HLA-B: variants seen among roughly 807,000 people sequenced by gnomAD.
HLA-B encodes the protein HLA class I antigen HLA-B.
HLA-B carries 31 observed loss-of-function variants against 41.5 expected under a neutral mutation model. That is an observed-to-expected ratio of 0.75 (90% CI 0.56 to 1.01). The LOEUF (loss-of-function observed/expected upper bound fraction) is 1.01. Among genes scored for constraint, HLA-B ranks in the 50% least tolerant of loss-of-function variants. The pLI is 0.00. For synonymous variants in HLA-B, 138 were observed against 189.0 expected, an observed-to-expected ratio of 0.73 and a Z score of 2.21; for missense variants, 369 against 457.2, an observed-to-expected ratio of 0.81 and a Z score of 1.76.
In HLA-B at chr6:31,354,117, A is replaced by T; in HGVS notation, c.*184T>A. 1 of 472,504 alleles carries T rather than the reference A, an allele frequency of 2.1e-6. No homozygotes were observed. The highest frequency in any genetic ancestry group is 3.9e-5 in the East Asian group (1 of 25,620). 29.3% of individuals were successfully genotyped at this position (472,504 alleles called of 1,614,324 possible). A position where few individuals can be genotyped will look rare whatever the true frequency, so the allele number is the denominator to read the frequency against. On this transcript the variant is annotated 3_prime_UTR_variant, in exon 8 of 8. Transcript: ENST00000412585. ...GGGAGGAAACACAGGTCAGCATGGG[A>T]ACAGGGGTCACAGTGGACACAAGGG...
Position 31,356,709 on chromosome 6 carries a change from AGCC to A in HLA-B, c.319_321del (p.Gly107del). ...TCACCGGCCTCGCTCTGGTTGTAGT[AGCC>A]GCGCAGGTTCCGCAGGCTCTCTCGG... is the stretch of plus-strand genomic sequence containing the variant. On this transcript the variant is annotated inframe_deletion, in exon 2 of 8. Coordinates refer to ENST00000412585, the MANE Select transcript of HLA-B (RefSeq NM_005514.8). 7.8e-7 allele frequency: 1 copy of A among 1,277,258 alleles called. No individual in the cohort carries two copies. 79.1% of individuals were successfully genotyped at this position (1,277,258 alleles called of 1,614,324 possible). A position where few individuals can be genotyped will look rare whatever the true frequency, so the allele number is the denominator to read the frequency against.
In HLA-B at chr6:31,353,932, T is replaced by G; in HGVS notation, c.*369A>C. The G allele has an allele frequency of 3.0e-6, 1 of 334,166 alleles. No individual in the cohort carries two copies. Among genetic ancestry groups the G allele is most frequent in the Non-Finnish European group, 5.7e-6 (1 of 176,830 alleles). The allele number at this position is 334,166 out of a possible 1,614,324, so 20.7% of individuals were successfully genotyped here. On this transcript the variant is annotated 3_prime_UTR_variant, in exon 8 of 8. Coordinates refer to ENST00000412585, the MANE Select transcript of HLA-B (RefSeq NM_005514.8). ...AAATTCCAGGAATTGACTTATTTAA[T>G]TAATCCATCAACCTCTCATAGCAAA...
chr6:31,355,621 G>C (rs373528054), intron 3 of HLA-B, 29 bp from the exon 4 acceptor site: 1 of 1,282,664 alleles, frequency 7.8e-7, no homozygotes, highest in Non-Finnish European at 1.1e-6. Context: ...AAATTCAGGC[G>C]CTTTGCATCT....
intron 4 of HLA-B, 46 bp from the exon 5 acceptor site, chr6:31,355,269 C>CTCCAGAAGGGT (rs763754608): frequency 2.5e-6 from 3 of 1,194,290 alleles, no homozygotes; most frequent in Non-Finnish European, 3.3e-6. Flanking sequence ...TGCTGAAGGG[C>CTCCAGAAGGGT]TCCTGCTTTC....
In HLA-B at chr6:31,355,114, C is replaced by T; in HGVS notation, c.1005G>A (p.Lys335=). The T allele has an allele frequency of 2.3e-6, 2 of 883,442 alleles. No homozygotes were observed. The highest frequency in any genetic ancestry group is 3.0e-6 in the Non-Finnish European group (2 of 662,688). 54.7% of individuals were successfully genotyped at this position (883,442 alleles called of 1,614,324 possible). Residue 335 remains lysine (K), a synonymous_variant, in exon 5 of 8, where the codon AAG becomes AAA. Transcript: ENST00000412585. ...CCCTCACCCCTTCCCTACCTGAACT[C>T]TTCCTCCTACACATCACAGCAGCGA... The part of the protein sequence containing the change: ...AVVAAVMCRR[K]SSGGKGGSYS...
rs145974360 is a variant in HLA-B, at chr6:31,356,805, T to C, written c.226A>G (p.Ile76Val). 3.6e-3 allele frequency: 4,131 copies of C among 1,151,912 alleles called. 885 individuals carry two copies. The East Asian group carries it at 0.11, about 31-fold the overall frequency. The allele number at this position is 1,151,912 out of a possible 1,614,324, so 71.4% of individuals were successfully genotyped here. Residue 76 changes from isoleucine to valine, a missense_variant, in exon 2 of 8, where the codon ATA becomes GTA. Around this residue, in one of 6 missense-constraint regions of HLA-B, gnomAD observed 113 missense variants for 173.2 expected, o/e 0.65. Coordinates refer to ENST00000412585, the MANE Select transcript of HLA-B (RefSeq NM_005514.8). ...SPREEPRAPW[I>V]EQEGPEYWDR... Reference sequence around the variant, plus strand: ...CAATACTCCGGCCCCTCCTGCTCTATCCACGGCGCCCGCGGCTCCTCTCTC... The same window carrying C: ...CAATACTCCGGCCCCTCCTGCTCTACCCACGGCGCCCGCGGCTCCTCTCTC...
chr6:31,356,841 C>A lies in HLA-B; in HGVS notation c.190G>T (p.Ala64Ser), dbSNP rs151341118. ...CGCGGCTCCTCTCTCGGACTCGCGG[C>A]GTCGCTGTCGAACCTCACGAACTGG... ...DTQFVRFDSD[A>S]ASPREEPRAP... The change falls in exon 2 of 8, where the codon GCC becomes TCC. Residue 64 changes from alanine (A) to serine (S), a missense_variant. By Grantham distance (99) the Ala-to-Ser change is moderately conservative. Coordinates refer to ENST00000412585, the MANE Select transcript of HLA-B (RefSeq NM_005514.8). 8.4e-7 allele frequency: 1 copy of A among 1,195,034 alleles called. No homozygotes were observed. 74.0% of individuals were successfully genotyped at this position (1,195,034 alleles called of 1,614,324 possible).
intron 2 of HLA-B, 103 bp from the exon 3 acceptor site, chr6:31,356,545 G>A: frequency 9.0e-7 from 1 of 1,114,846 alleles, no homozygotes; most frequent in Non-Finnish European, 1.2e-6. Flanking sequence ...GGGTAAACGC[G>A]CCTGGGGCTC....
In HLA-B at chr6:31,354,121, G is replaced by C. The variant is rs1443996320; in HGVS notation, c.*180C>G. 1 of 486,464 alleles carries C rather than the reference G, an allele frequency of 2.1e-6. No individual in the cohort carries two copies. The highest frequency in any genetic ancestry group is 4.0e-6 in the Non-Finnish European group (1 of 249,156). 30.1% of individuals were successfully genotyped at this position (486,464 alleles called of 1,614,324 possible). A position where few individuals can be genotyped will look rare whatever the true frequency, so the allele number is the denominator to read the frequency against. On this transcript the variant is annotated 3_prime_UTR_variant, in exon 8 of 8. Coordinates refer to ENST00000412585, the MANE Select transcript of HLA-B (RefSeq NM_005514.8). ...GGAAACACAGGTCAGCATGGGAACAGGGGTCACAGTGGACACAAGGGTGGG... is the reference window on the plus strand; with the variant it reads ...GGAAACACAGGTCAGCATGGGAACACGGGTCACAGTGGACACAAGGGTGGG...
In HLA-B at chr6:31,356,424, C is replaced by A. The variant is rs1071652; in HGVS notation, c.362G>T (p.Ser121Ile). The A allele has an allele frequency of 3.1e-3, 2,808 of 915,910 alleles. 26 individuals carry two copies. The highest frequency in any genetic ancestry group is 9.4e-3 in the South Asian group (483 of 51,314). The allele number at this position is 915,910 out of a possible 1,614,324, so 56.7% of individuals were successfully genotyped here. Residue 121 changes from serine (S) to isoleucine (I), a missense_variant, in exon 3 of 8, where the codon AGC becomes ATC. Physicochemically the swap from Ser to Ile is moderately radical, Grantham distance 142 (BLOSUM62 -2). Around this residue, in one of 6 missense-constraint regions of HLA-B, gnomAD observed 113 missense variants for 173.2 expected, o/e 0.65. Coordinates refer to ENST00000412585, the MANE Select transcript of HLA-B (RefSeq NM_005514.8). ...QSEAGSHTLQSMYGCDVGPDG... is the reference protein window; with the variant it reads ...QSEAGSHTLQIMYGCDVGPDG... ...CGGCCCCACGTCGCAGCCGTACATG[C>A]TCTGGAGGGTGTGAGACCCTGGCCC...
chr6:31,356,228 G>GT lies in HLA-B; in HGVS notation c.557_558insA (p.Glu187ArgfsTer21). ...ATCTGCGGAGCCACTCCACGCACTC[G>GT]CCCTCCAGGTAGGCTCTCCGCTGCT... is the stretch of plus-strand genomic sequence containing the variant. On this transcript the variant is annotated frameshift_variant, in exon 3 of 8. Transcript: ENST00000412585. LOFTEE classifies it high-confidence loss of function. The GT allele has an allele frequency of 8.5e-7, 1 of 1,180,304 alleles. No homozygotes were observed. Among genetic ancestry groups the GT allele is most frequent in the Non-Finnish European group, 1.1e-6 (1 of 888,892 alleles). 73.1% of individuals were successfully genotyped at this position (1,180,304 alleles called of 1,614,324 possible).
chr6:31,356,035 GA>G, intron 3 of HLA-B, 131 bp downstream of exon 3: 1 of 484,266 alleles, frequency 2.1e-6, no homozygotes, highest in South Asian at 2.5e-5. Flanking sequence ...GGAAACTCAG[GA>G]AAACTCATGC....
In HLA-B at chr6:31,356,934, A is replaced by T. The variant is rs2596492; in HGVS notation, c.97T>A (p.Tyr33Asn). ...WAGSHSMRYF[Y>N]TSVSRPGRGE... ...CGGCCGGGCCGGGACACGGAGGTGT[A>T]GAAATACCTCATGGAGTGGGAGCCT... The change falls in exon 2 of 8, where the codon TAC becomes AAC. Residue 33 changes from tyrosine to asparagine, a missense_variant. Tyr to Asn is a moderately radical substitution (Grantham distance 143). This residue lies in a region of HLA-B where 113 missense variants were observed against 173.2 expected (regional missense o/e 0.65). Transcript: ENST00000412585. The T allele has an allele frequency of 3.1e-6, 3 of 960,360 alleles. No individual in the cohort carries two copies. The highest frequency in any genetic ancestry group is 2.9e-5 in the Admixed American group (1 of 34,672). 59.5% of individuals were successfully genotyped at this position (960,360 alleles called of 1,614,324 possible).
chr6:31,356,528 T>C, intron 2 of HLA-B, 86 bp from the exon 3 acceptor site: 1 of 1,065,844 alleles, frequency 9.4e-7, no homozygotes, highest in Non-Finnish European at 1.3e-6. Context: ...CAACTGAAAA[T>C]GAAACCGGGT....
In HLA-B at chr6:31,354,436, CCAGA is replaced by C. The variant is rs753528359; in HGVS notation, c.*4+39_*4+42del. ...CCTTTCCCCTCTGCCCCACCCACCC[CCAGA>C]CCCGCCACCCCACCCACTCTAGACC... is the stretch of plus-strand genomic sequence containing the variant. On this transcript the variant is annotated intron_variant, in intron 7 of 7. Coordinates refer to ENST00000412585, the MANE Select transcript of HLA-B (RefSeq NM_005514.8). 162 of 401,584 alleles carry C rather than the reference CCAGA, an allele frequency of 4.0e-4. 3 individuals are homozygous for C. In the Middle Eastern group the frequency reaches 6.2e-3, roughly 15 times the overall value. The allele number at this position is 401,584 out of a possible 1,614,324, so 24.9% of individuals were successfully genotyped here. A position where few individuals can be genotyped will look rare whatever the true frequency, so the allele number is the denominator to read the frequency against.
intron 7 of HLA-B, 52 bp downstream of exon 7, chr6:31,354,427 C>CCCCCCCCCCCCCA: frequency 1.3e-5 from 4 of 301,668 alleles, no homozygotes; most frequent in Admixed American, 6.9e-5. Context: ...CCCTCTGCCC[C>CCCCCCCCCCCCCA]ACCCACCCCC....
At chr6:31,355,779 G>T (rs566117088) in intron 3 of HLA-B, 187 bp from the exon 4 acceptor site, 15 of 694,314 alleles carry the variant, frequency 2.2e-5, no homozygotes, top group Non-Finnish European at 3.8e-5. Context: ...GAGTCTCTGA[G>T]CGGGGAACAG....
chr6:31,354,273 C>G lies in HLA-B; in HGVS notation c.*28G>C. 3 of 637,412 alleles carry G rather than the reference C, an allele frequency of 4.7e-6. No individual in the cohort carries two copies. Among genetic ancestry groups the G allele is most frequent in the Admixed American group, 2.1e-5 (1 of 48,514 alleles). 39.5% of individuals were successfully genotyped at this position (637,412 alleles called of 1,614,324 possible). ...GCGTGAAGAAATCCTGCATCTCAGT[C>G]CCTCACAAGACAGCTGTCTCAGGCT... On this transcript the variant is annotated 3_prime_UTR_variant, in exon 8 of 8. Coordinates refer to ENST00000412585, the MANE Select transcript of HLA-B (RefSeq NM_005514.8).
At chr6:31,356,523 G>T (rs1209738826) in intron 2 of HLA-B, 81 bp from the exon 3 acceptor site, 6 of 1,059,458 alleles carry the variant, frequency 5.7e-6, no homozygotes, top group Non-Finnish European at 1.3e-6. Context: ...GGCCTCAACT[G>T]AAAATGAAAC....
Sources: gnomAD v4.1 joint callset for allele counts on GRCh38, gnomAD v4.1.1 for gene constraint, gnomAD v4.1.1 regional missense constraint, MANE v1.5 for transcripts, NCBI Gene and HGNC (gene_info 2026-07-23, HGNC 2026-07-21) for gene names.